The following FRMD4A variants were observed in gnomAD, a reference collection of about 807,000 sequenced individuals.
FRMD4A encodes the protein FERM domain containing 4A.
A neutral mutation model predicts 129.1 loss-of-function variants in FRMD4A; 29 were observed. That is an observed-to-expected ratio of 0.22 (90% CI 0.17 to 0.31). The LOEUF is 0.31. Ranked by LOEUF, FRMD4A falls within the 10% of genes least tolerant of loss-of-function variation. The pLI is 1.00. For missense variants in FRMD4A, 1,272 were observed against 1,375.8 expected (o/e 0.92, Z 1.19); for synonymous variants, 634 against 571.6 (o/e 1.11, Z -1.56).
At chr10:13,845,424 C>A (rs554546800) in intron 3 of FRMD4A, among the ~76,000 whole-genome samples, 1 of 152,166 alleles carries the variant, frequency 6.6e-6, no homozygotes, top group Admixed American at 6.5e-5. Flanking sequence ...CTGAACTCTA[C>A]GACTACTCCA....
chr10:13,789,677 A>C (rs1273073281), intron 5 of FRMD4A, among the ~76,000 whole-genome samples: 1 of 151,750 alleles, frequency 6.6e-6, no homozygotes, highest in Non-Finnish European at 1.5e-5. Context: ...ACAATATCAG[A>C]GAGACATTGT....
At chr10:14,200,643 G>A (rs549437299) in intron 2 of FRMD4A, among the ~76,000 whole-genome samples, 1 of 152,298 alleles carries the variant, frequency 6.6e-6, no homozygotes, top group Non-Finnish European at 1.5e-5. Flanking sequence ...ATAAAACGCT[G>A]AGCACTGTGC....
chr10:13,824,099 A>T (rs1009930015), intron 3 of FRMD4A, among the ~76,000 whole-genome samples: 14 of 152,134 alleles, frequency 9.2e-5, no homozygotes, highest in African/African-American at 3.4e-4. Flanking sequence ...TAAGTTACAG[A>T]AAAAATATTA....
At chr10:14,084,005 C>T (rs1487482083) in intron 2 of FRMD4A, among the ~76,000 whole-genome samples, 2 of 152,128 alleles carry the variant, frequency 1.3e-5, no homozygotes, top group African/African-American at 2.4e-5. Flanking sequence ...TAAACGGGCA[C>T]GTGTTTTAGC....
Position 13,750,109 on chromosome 10 carries a change from G to GAAAGAAAGA in FRMD4A, c.465-2291_465-2290insTCTTTCTTT, listed in dbSNP as rs59377985. Among the ~76,000 whole-genome samples, 5 of 73,606 alleles carry GAAAGAAAGA rather than the reference G, an allele frequency of 6.8e-5. 1 individual carries two copies. The highest frequency in any genetic ancestry group is 2.3e-4 in the African/African-American group (4 of 17,174). The allele number at this position is 73,606 out of a possible 152,430, so 48.3% of individuals were successfully genotyped here. A position where few individuals can be genotyped will look rare whatever the true frequency, so the allele number is the denominator to read the frequency against. ...GAAAGAAAGAAAGAAAGAAAGAAAT[G>GAAAGAAAGA]AAGAAAGAAAGAAAGAAAGAAAGAA... On this transcript the variant is annotated intron_variant, in intron 8 of 24. Transcript: ENST00000357447.
chr10:14,227,617 T>C (rs542648248), intron 2 of FRMD4A, among the ~76,000 whole-genome samples: 3 of 152,210 alleles, frequency 2.0e-5, no homozygotes, highest in Admixed American at 2.0e-4. Flanking sequence ...ACACCAAGCC[T>C]GCATGAGGTG....
chr10:14,305,993 G>C (rs764542441), intron 2 of FRMD4A, among the ~76,000 whole-genome samples: 3 of 152,252 alleles, frequency 2.0e-5, no homozygotes, highest in Non-Finnish European at 4.4e-5. Flanking sequence ...AGTGGGAGAA[G>C]GGAGAGCATC....
intron 2 of FRMD4A, among the ~76,000 whole-genome samples, chr10:14,047,913 T>C (rs976542088): frequency 2.7e-4 from 41 of 152,182 alleles, no homozygotes; most frequent in African/African-American, 9.7e-4. Flanking sequence ...CTTGGCTTTC[T>C]TCACCACCAA....
intron 3 of FRMD4A, among the ~76,000 whole-genome samples, chr10:13,858,456 A>G (rs1293013457): frequency 6.6e-6 from 1 of 152,182 alleles, no homozygotes; most frequent in Non-Finnish European, 1.5e-5. Flanking sequence ...AAAACAAAAA[A>G]ACAAACAAAA....
intron 2 of FRMD4A, among the ~76,000 whole-genome samples, chr10:14,194,446 TA>T (rs1222910992): frequency 1.3e-5 from 2 of 152,036 alleles, no homozygotes; most frequent in Admixed American, 6.6e-5. Context: ...CCGTCTCTAC[TA>T]AAAAATACAA....
At chr10:14,122,594 G>A (rs1330242781) in intron 2 of FRMD4A, among the ~76,000 whole-genome samples, 1 of 148,748 alleles carries the variant, frequency 6.7e-6, no homozygotes, top group Non-Finnish European at 1.5e-5. Flanking sequence ...TAGAGAAGGA[G>A]CAAGTGGGGT....
chr10:13,931,149 G>A (rs376602646), intron 2 of FRMD4A, among the ~76,000 whole-genome samples: 164 of 152,278 alleles, frequency 1.1e-3, no homozygotes, highest in African/African-American at 3.8e-3. Context: ...GAGCCATAAA[G>A]AGGTCAGGGG....
At chr10:13,693,300 AC>A (rs1222882332) in intron 15 of FRMD4A, 4 of 175,350 alleles carry the variant, frequency 2.3e-5, no homozygotes, top group Non-Finnish European at 4.9e-5. Flanking sequence ...CAGATCCAGG[AC>A]CTTGGAACTC....
chr10:14,032,389 C>T (rs942859023), intron 2 of FRMD4A, among the ~76,000 whole-genome samples: 3 of 152,216 alleles, frequency 2.0e-5, no homozygotes, highest in Non-Finnish European at 4.4e-5. Flanking sequence ...GTTGGAGACT[C>T]AAATGCCACT....
intron 3 of FRMD4A, among the ~76,000 whole-genome samples, chr10:13,817,149 G>A (rs2093557368): frequency 6.6e-6 from 1 of 152,232 alleles, no homozygotes; most frequent in Non-Finnish European, 1.5e-5. Flanking sequence ...TAATAGGACA[G>A]TCTTTCCAAC....
chr10:14,295,965 C>A (rs953769308), intron 2 of FRMD4A, among the ~76,000 whole-genome samples: 3 of 152,122 alleles, frequency 2.0e-5, no homozygotes, highest in Admixed American at 6.5e-5. Context: ...TTATGACTCT[C>A]TTTGCCTAGG....
chr10:13,983,860 G>A (rs1007764705), intron 2 of FRMD4A, among the ~76,000 whole-genome samples: 1 of 151,784 alleles, frequency 6.6e-6, no homozygotes, highest in Non-Finnish European at 1.5e-5. Flanking sequence ...AAAAATAGCC[G>A]GGCATGATGG....
chr10:14,080,381 A>T (rs984140994), intron 2 of FRMD4A, among the ~76,000 whole-genome samples: 21 of 152,094 alleles, frequency 1.4e-4, no homozygotes, highest in Admixed American at 3.3e-4. Context: ...ATGACATTGG[A>T]ACTGGCTCCT....
intron 2 of FRMD4A, among the ~76,000 whole-genome samples, chr10:14,173,636 ACTC>A (rs1426171350): frequency 1.3e-5 from 2 of 151,978 alleles, no homozygotes; most frequent in Non-Finnish European, 2.9e-5. Flanking sequence ...TAAACGTGTT[ACTC>A]CTCCTGCTAA....
Sources: gnomAD v4.1 joint callset for allele counts (sites outside exome capture counted in the v4.1 genomes callset) on GRCh38, gnomAD v4.1.1 for gene constraint, MANE v1.5 for transcripts, NCBI Gene and HGNC (gene_info 2026-07-23, HGNC 2026-07-21) for gene names.